Variants in SORCS1 observed in about 807,000 individuals in gnomAD.
SORCS1 encodes VPS10 domain-containing receptor SorCS1.
Under a neutral mutation model 146.1 loss-of-function variants are expected in SORCS1, and 60 were observed. The observed-to-expected ratio is 0.41, with a 90% CI of 0.33 to 0.51. SORCS1 has a LOEUF of 0.51. Among genes scored for constraint, SORCS1 ranks in the 20% least tolerant of loss-of-function variants. The probability of loss-of-function intolerance (pLI) is 0.21; values close to 1 mark genes in which losing one functional copy is unlikely to be tolerated. For synonymous variants in SORCS1, 637 were observed against 584.0 expected, an observed-to-expected ratio of 1.09 and a Z score of -1.31; for missense variants, 1,352 against 1,487.6, an observed-to-expected ratio of 0.91 and a Z score of 1.50.
At chr10:106,923,667 T>C (rs1161919027) in intron 2 of SORCS1, among the ~76,000 whole-genome samples, 4 of 152,212 alleles carry the variant, frequency 2.6e-5, no homozygotes, top group Non-Finnish European at 4.4e-5. Context: ...TCCTAATAAG[T>C]GTTAGTGGCT....
At position 106,908,178 on chromosome 10, in the gene SORCS1, T is replaced by C. The variant is rs78387336; in HGVS notation, c.626+48335A>G. On this transcript the variant is annotated intron_variant, in intron 2 of 25. Transcript: ENST00000263054. The stretch of plus-strand genomic sequence containing the variant: ...CCTGGACTCTAAATGGCAGCTGATA[T>C]AGTGTCACACTCAAGTATTTTCATT... 8.1e-3 allele frequency among the ~76,000 whole-genome samples: 1,241 copies of C among 152,290 alleles called. 51 individuals carry two copies. Among genetic ancestry groups the C allele is most frequent in the Admixed American group, 0.063 (961 of 15,290 alleles).
Position 106,761,646 on chromosome 10 carries a change from C to T in SORCS1, c.901G>A (p.Glu301Lys), listed in dbSNP as rs1238754962. The change falls in exon 5 of 26, where the codon GAA becomes AAA. Residue 301 changes from glutamate (E) to lysine (K), a missense_variant. By Grantham distance (56) the Glu-to-Lys change is moderately conservative. Transcript: ENST00000263054. ...SQDQKLYSSA[E>K]FGRRWQLIQE... ...ATAAGCTGCCATCTTCTCCCAAATT[C>T]AGCAGAGCTGTATAACTGTAAAGAA... 1.2e-5 allele frequency: 19 copies of T among 1,614,150 alleles called. No homozygotes were observed. Among genetic ancestry groups the T allele is most frequent in the Non-Finnish European group, 1.6e-5 (19 of 1,180,012 alleles).
intron 2 of SORCS1, among the ~76,000 whole-genome samples, chr10:106,913,050 T>A (rs1206564710): frequency 6.7e-6 from 1 of 149,720 alleles, no homozygotes; most frequent in African/African-American, 2.4e-5. Flanking sequence ...GCCTGTGTGA[T>A]AATGGCAATG....
At chr10:106,983,029 A>C (rs1432620131) in intron 1 of SORCS1, among the ~76,000 whole-genome samples, 3 of 151,670 alleles carry the variant, frequency 2.0e-5, no homozygotes, top group Non-Finnish European at 4.4e-5. Flanking sequence ...CTTAAAAAAA[A>C]AGACATGCAA....
intron 21 of SORCS1, among the ~76,000 whole-genome samples, chr10:106,617,166 G>C (rs1847425384): frequency 2.0e-5 from 3 of 151,784 alleles, no homozygotes. Context: ...TGTTGGTCAG[G>C]CTGGTCTCGA....
intron 1 of SORCS1, among the ~76,000 whole-genome samples, chr10:107,037,294 A>G (rs951215882): frequency 2.0e-5 from 3 of 152,176 alleles, no homozygotes; most frequent in African/African-American, 7.2e-5. Context: ...CAGTCTACCA[A>G]AAAGCTCAGT....
intron 3 of SORCS1, among the ~76,000 whole-genome samples, chr10:106,801,805 C>T (rs1335555863): frequency 6.6e-6 from 1 of 152,196 alleles, no homozygotes; most frequent in Non-Finnish European, 1.5e-5. Context: ...GCTGGGATTA[C>T]AGGCGTGAGC....
intron 23 of SORCS1, chr10:106,600,371 A>G: frequency 1.0e-6 from 1 of 977,222 alleles, no homozygotes; most frequent in Non-Finnish European, 1.2e-6. Context: ...ATCAAAGGAC[A>G]TTCAACAATG....
chr10:106,910,570 G>GTT (rs1952104789), intron 2 of SORCS1, among the ~76,000 whole-genome samples: 1 of 152,150 alleles, frequency 6.6e-6, no homozygotes, highest in South Asian at 2.1e-4. Flanking sequence ...AATGATATAA[G>GTT]TTAATATAAC....
intron 1 of SORCS1, among the ~76,000 whole-genome samples, chr10:107,024,379 A>G (rs1362199326): frequency 6.6e-6 from 1 of 152,010 alleles, no homozygotes; most frequent in African/African-American, 2.4e-5. Flanking sequence ...GGCTCTTTTT[A>G]ACAACCAGCT....
intron 1 of SORCS1, among the ~76,000 whole-genome samples, chr10:107,142,322 C>A (rs1383829185): frequency 6.6e-6 from 1 of 152,166 alleles, no homozygotes; most frequent in East Asian, 1.9e-4. Flanking sequence ...GATTTTGTGG[C>A]ACAGAGAACC....
At chr10:106,747,629 C>G in intron 5 of SORCS1, among the ~76,000 whole-genome samples, 1 of 152,250 alleles carries the variant, frequency 6.6e-6, no homozygotes, top group East Asian at 1.9e-4. Context: ...TTCTGCATCT[C>G]GGTAGTTATC....
intron 10 of SORCS1, 92 bp downstream of exon 10, chr10:106,688,100 G>A: frequency 1.3e-6 from 2 of 1,502,988 alleles, no homozygotes; most frequent in Admixed American, 2.2e-5. Flanking sequence ...CATCAACTGA[G>A]CAAAAGTCCC....
At chr10:107,120,019 T>G (rs1342225214) in intron 1 of SORCS1, among the ~76,000 whole-genome samples, 1 of 152,102 alleles carries the variant, frequency 6.6e-6, no homozygotes, top group Non-Finnish European at 1.5e-5. Flanking sequence ...TTAATATCTT[T>G]TCAGAGCACA....
chr10:106,937,432 C>T lies in SORCS1; in HGVS notation c.626+19081G>A, dbSNP rs115876365. Among the ~76,000 whole-genome samples the T allele has an allele frequency of 6.5e-3, 994 of 151,800 alleles. 9 individuals are homozygous for T. Among genetic ancestry groups the T allele is most frequent in the African/African-American group, 0.023 (963 of 41,366 alleles). ...ACCTCAAGTAATCCACCCTTGTCGG[C>T]CTCCCAAAGTGCTAGAATTGCAGAC... On this transcript the variant is annotated intron_variant, in intron 2 of 25. Coordinates refer to ENST00000263054, the MANE Select transcript of SORCS1 (RefSeq NM_052918.5).
intron 1 of SORCS1, among the ~76,000 whole-genome samples, chr10:107,124,402 A>G (rs1384995132): frequency 6.6e-6 from 1 of 152,144 alleles, no homozygotes; most frequent in East Asian, 1.9e-4. Flanking sequence ...TAGGTATGTA[A>G]TTAGAAACCT....
intron 18 of SORCS1, among the ~76,000 whole-genome samples, chr10:106,631,867 C>G (rs913309975): frequency 2.0e-5 from 3 of 152,136 alleles, no homozygotes; most frequent in Non-Finnish European, 4.4e-5. Context: ...TACATAAAAA[C>G]CCTCCAATTT....
intron 3 of SORCS1, among the ~76,000 whole-genome samples, chr10:106,781,892 G>T (rs1314826567): frequency 6.6e-6 from 1 of 151,988 alleles, no homozygotes; most frequent in Non-Finnish European, 1.5e-5. Flanking sequence ...GGGGAGGAAG[G>T]GGATTAAAAA....
intron 2 of SORCS1, among the ~76,000 whole-genome samples, chr10:106,847,834 C>T (rs182193941): frequency 0.027 from 3,913 of 144,216 alleles, 224 homozygotes; most frequent in East Asian, 0.12. Context: ...GTCTTCATTT[C>T]GTTATGTACC....
Sources: gnomAD v4.1 joint callset for allele counts (sites outside exome capture counted in the v4.1 genomes callset) on GRCh38, gnomAD v4.1.1 for gene constraint, MANE v1.5 for transcripts, NCBI Gene and HGNC (gene_info 2026-07-23, HGNC 2026-07-21) for gene names.